TCF4: variants seen among roughly 807,000 people sequenced by gnomAD.
TCF4 encodes the protein SL3-3 enhancer factor 2.
TCF4 carries 3 observed loss-of-function variants against 82.1 expected under a neutral mutation model. The observed-to-expected ratio is 0.04, with a 90% CI of 0.02 to 0.09. TCF4 has a LOEUF of 0.09. TCF4 is among the 10% of genes least tolerant of loss of function. The pLI is 1.00. For synonymous variants in TCF4, 276 were observed against 309.6 expected, an observed-to-expected ratio of 0.89 and a Z score of 1.14; for missense variants, 518 against 852.7, an observed-to-expected ratio of 0.61 and a Z score of 4.89.
At chr18:55,587,813 G>A (rs1407435521) in intron 1 of TCF4, among the ~76,000 whole-genome samples, 10 of 137,908 alleles carry the variant, frequency 7.3e-5, no homozygotes, top group Non-Finnish European at 1.6e-5. Flanking sequence ...CAGGCCCCTG[G>A]CAAAGTCCTC....
intron 2 of TCF4, among the ~76,000 whole-genome samples, chr18:55,607,432 C>CA (rs895500060): frequency 6.6e-6 from 1 of 152,054 alleles, no homozygotes; most frequent in African/African-American, 2.4e-5. Flanking sequence ...CCAGTGGATC[C>CA]AAAAAATGAT....
intron 19 of TCF4, 56 bp downstream of exon 19, chr18:55,228,165 T>TA (rs2046870351): frequency 1.2e-6 from 2 of 1,609,538 alleles, no homozygotes; most frequent in South Asian, 2.2e-5. Flanking sequence ...TTATGGCTGA[T>TA]ACACTGATGA....
intron 2 of TCF4, among the ~76,000 whole-genome samples, chr18:55,622,176 C>T (rs1462650193): frequency 4.4e-5 from 2 of 44,946 alleles, no homozygotes; most frequent in African/African-American, 6.2e-5. Flanking sequence ...CACACACGCA[C>T]TCACACACAC....
At chr18:55,262,617 G>C (rs2058290462) in intron 11 of TCF4, among the ~76,000 whole-genome samples, 1 of 152,134 alleles carries the variant, frequency 6.6e-6, no homozygotes, top group Admixed American at 6.5e-5. Flanking sequence ...CTTGAACTAA[G>C]AGAGCCTTCT....
chr18:55,381,538 T>C (rs2091898909), intron 6 of TCF4, among the ~76,000 whole-genome samples: 1 of 152,234 alleles, frequency 6.6e-6, no homozygotes, highest in African/African-American at 2.4e-5. Context: ...GTGGCATATA[T>C]TAAACCACAT....
intron 11 of TCF4, chr18:55,269,236 T>A (rs1382940927): frequency 6.5e-6 from 1 of 154,468 alleles, no homozygotes; most frequent in Admixed American, 6.3e-5. Context: ...TTAATTAATT[T>A]AAAAAAGCAG....
chr18:55,269,751 A>G, intron 11 of TCF4, 80 bp downstream of exon 11: 1 of 1,577,302 alleles, frequency 6.3e-7, no homozygotes, highest in Non-Finnish European at 8.7e-7. Flanking sequence ...CTATTCAGTT[A>G]TGAAAGGGAA....
At chr18:55,542,672 A>G (rs1400743389) in intron 3 of TCF4, among the ~76,000 whole-genome samples, 2 of 151,948 alleles carry the variant, frequency 1.3e-5, no homozygotes, top group African/African-American at 4.8e-5. Context: ...ACACACACAT[A>G]TATGTACACA....
At chr18:55,556,186 C>T (rs923599507) in intron 3 of TCF4, among the ~76,000 whole-genome samples, 11 of 151,788 alleles carry the variant, frequency 7.2e-5, no homozygotes, top group African/African-American at 2.7e-4. Context: ...ATTGTTTATT[C>T]TCTTTGACTT....
intron 5 of TCF4, among the ~76,000 whole-genome samples, chr18:55,432,009 A>G (rs894970446): frequency 6.6e-6 from 1 of 152,332 alleles, no homozygotes; most frequent in Non-Finnish European, 1.5e-5. Context: ...GCATTTAAAA[A>G]TGATAATCTG....
chr18:55,504,949 G>A (rs1329725024), intron 3 of TCF4, among the ~76,000 whole-genome samples: 3 of 152,070 alleles, frequency 2.0e-5, no homozygotes, highest in Non-Finnish European at 4.4e-5. Context: ...CCTAATATTA[G>A]TACCTTGAAA....
At chr18:55,331,900 T>G (rs1228987344) in intron 8 of TCF4, among the ~76,000 whole-genome samples, 3 of 152,130 alleles carry the variant, frequency 2.0e-5, no homozygotes, top group Non-Finnish European at 4.4e-5. Flanking sequence ...GAAGGGGGCG[T>G]GAGGGATCTA....
chr18:55,447,504 G>C (rs946354200), intron 5 of TCF4, among the ~76,000 whole-genome samples: 9 of 152,210 alleles, frequency 5.9e-5, no homozygotes, highest in Admixed American at 3.9e-4. Context: ...ACCTAACATA[G>C]GGCTTGCAGA....
chr18:55,276,853 G>C (rs771510848), intron 9 of TCF4, among the ~76,000 whole-genome samples: 1 of 152,080 alleles, frequency 6.6e-6, no homozygotes, highest in Non-Finnish European at 1.5e-5. Flanking sequence ...ACTGTATTTC[G>C]TGAAGCTCTT....
At chr18:55,451,692 G>A (rs1475291527) in intron 5 of TCF4, among the ~76,000 whole-genome samples, 3 of 152,212 alleles carry the variant, frequency 2.0e-5, no homozygotes, top group Non-Finnish European at 4.4e-5. Context: ...CTGAAGCCAT[G>A]GAGTAATGAG....
At chr18:55,614,891 T>C (rs866649505) in intron 2 of TCF4, among the ~76,000 whole-genome samples, 4 of 152,188 alleles carry the variant, frequency 2.6e-5, no homozygotes, top group Non-Finnish European at 5.9e-5. Flanking sequence ...TCCACTTAAG[T>C]CTGTGACCCA....
intron 3 of TCF4, among the ~76,000 whole-genome samples, chr18:55,522,781 T>C (rs2096943312): frequency 6.6e-6 from 1 of 152,130 alleles, no homozygotes; most frequent in African/African-American, 2.4e-5. Flanking sequence ...TGTATTATTT[T>C]GTGGGAGTGT....
chr18:55,255,046 G>C (rs897487887), intron 14 of TCF4, among the ~76,000 whole-genome samples: 3 of 152,090 alleles, frequency 2.0e-5, no homozygotes, highest in African/African-American at 7.2e-5. Flanking sequence ...CTTTCTGGCA[G>C]GTATTAAGTT....
chr18:55,341,773 G>C (rs2080025228), intron 8 of TCF4, among the ~76,000 whole-genome samples: 1 of 152,152 alleles, frequency 6.6e-6, no homozygotes, highest in African/African-American at 2.4e-5. Flanking sequence ...AAGTGAGTAA[G>C]GGCAATCAGC....
Sources: allele counts gnomAD v4.1 joint callset (sites outside exome capture counted in the v4.1 genomes callset), GRCh38; gene constraint gnomAD v4.1.1; transcripts MANE v1.5; gene names NCBI Gene and HGNC (gene_info 2026-07-23, HGNC 2026-07-21).